The following CCDC190 variants were observed in gnomAD, a reference collection of about 807,000 sequenced individuals.
CCDC190 encodes the protein coiled-coil domain containing 190.
Under a neutral mutation model 13.1 loss-of-function variants are expected in CCDC190, and 10 were observed. The observed-to-expected ratio is 0.77, with a 90% confidence interval of 0.47 to 1.30. CCDC190 has a LOEUF of 1.30. Ranked by LOEUF, CCDC190 falls within the 50% of genes most tolerant of loss-of-function variation. The pLI, the probability that CCDC190 is intolerant of heterozygous loss-of-function variation, is 0.00. For missense variants in CCDC190, 375 were observed against 354.3 expected (o/e 1.06, Z -0.47); for synonymous variants, 136 against 127.2 (o/e 1.07, Z -0.47).
At chr1:162,867,763 G>C (rs1779997) in intron 1 of CCDC190, among the ~76,000 whole-genome samples, 1 of 152,034 alleles carries the variant, frequency 6.6e-6, no homozygotes, top group South Asian at 2.1e-4. Flanking sequence ...TAAAAATAAC[G>C]ATACATTAAT....
At chr1:162,858,572 C>T (rs1209008169) in intron 2 of CCDC190, among the ~76,000 whole-genome samples, 3 of 152,152 alleles carry the variant, frequency 2.0e-5, no homozygotes, top group Admixed American at 2.0e-4. Flanking sequence ...CTGTGTTGAC[C>T]TGAAATATTT....
upstream of CCDC190, among the ~76,000 whole-genome samples, chr1:162,861,464 C>T (rs1302186620): frequency 6.6e-6 from 1 of 151,794 alleles, no homozygotes; most frequent in African/African-American, 2.4e-5. Flanking sequence ...CTTTGTCATA[C>T]CTCCCTTCCC....
At chr1:162,865,032 A>G (rs996347965), upstream of CCDC190, among the ~76,000 whole-genome samples, 1 of 152,100 alleles carries the variant, frequency 6.6e-6, no homozygotes, top group African/African-American at 2.4e-5. Context: ...TAAAGTATGA[A>G]CAAATGAATA....
In CCDC190 at chr1:162,854,905, G is replaced by C. The variant is rs1558110252; in HGVS notation, c.766C>G (p.His256Asp). 5.6e-6 allele frequency: 9 copies of C among 1,614,014 alleles called. No individual in the cohort carries two copies. Among genetic ancestry groups the C allele is most frequent in the Non-Finnish European group, 5.1e-6 (6 of 1,179,892 alleles). Residue 256 changes from histidine (H) to aspartate (D), a missense_variant, in exon 4 of 4, where the codon CAT becomes GAT. Physicochemically the swap from His to Asp is moderately conservative, Grantham distance 81 (BLOSUM62 -1). Coordinates refer to ENST00000367912, the MANE Select transcript of CCDC190 (RefSeq NM_001394065.1). ...GGGGGGACCCTGTGCCGGAGATAAT[G>C]GGCATTTCTGGCCTTTGAAAGCAAC... ...LELLSKARNA[H>D]YLRHRVPPES...
At chr1:162,867,615 T>C (rs1650752234) in intron 1 of CCDC190, among the ~76,000 whole-genome samples, 1 of 152,176 alleles carries the variant, frequency 6.6e-6, no homozygotes, top group Non-Finnish European at 1.5e-5. Context: ...CATGTGCTCA[T>C]AAAAAGATTT....
intron 2 of CCDC190, among the ~76,000 whole-genome samples, chr1:162,857,363 C>T (rs965503473): frequency 9.9e-5 from 15 of 152,180 alleles, no homozygotes; most frequent in Admixed American, 6.5e-4. Context: ...TTTCACCAGT[C>T]TCAAACCCTA....
chr1:162,859,900 C>G (rs1650440690), intron 1 of CCDC190, among the ~76,000 whole-genome samples: 1 of 151,788 alleles, frequency 6.6e-6, no homozygotes, highest in African/African-American at 2.4e-5. Context: ...ATAGGCTCCC[C>G]CAACACAGAT....
upstream of CCDC190, among the ~76,000 whole-genome samples, chr1:162,861,208 C>T (rs1173388571): frequency 6.6e-6 from 1 of 150,382 alleles, no homozygotes; most frequent in Non-Finnish European, 1.5e-5. Flanking sequence ...TCCCTACCTC[C>T]CCTGGTCAGG....
upstream of CCDC190, among the ~76,000 whole-genome samples, chr1:162,862,510 GA>G (rs1650556436): frequency 6.6e-6 from 1 of 152,180 alleles, no homozygotes; most frequent in Non-Finnish European, 1.5e-5. Context: ...GCTTCATCTG[GA>G]GGGGAAATAG....
chr1:162,855,604 C>A lies in CCDC190; in HGVS notation c.311+28G>T, dbSNP rs776523013. On this transcript the variant is annotated intron_variant, in intron 3 of 3. Coordinates refer to ENST00000367912, the MANE Select transcript of CCDC190 (RefSeq NM_001394065.1). ...TTGGGAAGAGAGACTTAATGTCATA[C>A]CCATGGGTTTAGTAATCCATTTCTT... The A allele has an allele frequency of 5.0e-6, 8 of 1,610,372 alleles. No individual in the cohort carries two copies. The South Asian group carries it at 6.7e-5, about 13-fold the overall frequency.
Position 162,855,184 on chromosome 1 carries a change from T to G in CCDC190, c.487A>C (p.Asn163His). The G allele has an allele frequency of 1.9e-6, 3 of 1,613,964 alleles. No individual in the cohort carries two copies. Among genetic ancestry groups the G allele is most frequent in the Non-Finnish European group, 1.7e-6 (2 of 1,179,878 alleles). The change falls in exon 4 of 4, where the codon AAT (asparagine) becomes CAT (histidine). Residue 163 changes from asparagine to histidine, a missense_variant. By Grantham distance (68) the Asn-to-His change is moderately conservative. Transcript: ENST00000367912. ...CTGGGGTCTACGTCCTTAGATGGAT[T>G]CACAGAATCTTTCTCTTGGGCTTGT... ...QPQAQEKDSVNPSKDVDPSKG... is the reference protein window; with the variant it reads ...QPQAQEKDSVHPSKDVDPSKG...
At chr1:162,859,683 T>C (rs1000203446) in intron 1 of CCDC190, 25 bp from the exon 2 acceptor site, 1 of 1,568,696 alleles carries the variant, frequency 6.4e-7, no homozygotes, top group African/African-American at 1.4e-5. Context: ...GTATCACAAA[T>C]AACCTGATAA....
At chr1:162,857,103 A>G (rs1026536763) in intron 2 of CCDC190, among the ~76,000 whole-genome samples, 1 of 152,208 alleles carries the variant, frequency 6.6e-6, no homozygotes, top group African/African-American at 2.4e-5. Flanking sequence ...GCCAGGTAAT[A>G]TACTTTTGAT....
intron 1 of CCDC190, among the ~76,000 whole-genome samples, chr1:162,860,562 A>AT (rs554309165): frequency 0.17 from 24,188 of 144,848 alleles, 1,930 homozygotes; most frequent in Middle Eastern, 0.23. Flanking sequence ...AGGTTTGGTG[A>AT]TTTTTTTTTT....
In CCDC190 at chr1:162,854,908, C is replaced by T; in HGVS notation, c.763G>A (p.Ala255Thr). 1 of 1,614,014 alleles carries T rather than the reference C, an allele frequency of 6.2e-7. No individual in the cohort carries two copies. The highest frequency in any genetic ancestry group is 8.5e-7 in the Non-Finnish European group (1 of 1,179,890). Residue 255 changes from alanine to threonine, a missense_variant, in exon 4 of 4, where the codon GCC (alanine) becomes ACC (threonine). Coordinates refer to ENST00000367912, the MANE Select transcript of CCDC190 (RefSeq NM_001394065.1). ...FLELLSKARN[A>T]HYLRHRVPPE... Reference sequence around the variant, plus strand: ...GGGACCCTGTGCCGGAGATAATGGGCATTTCTGGCCTTTGAAAGCAACTCT... The same window carrying T: ...GGGACCCTGTGCCGGAGATAATGGGTATTTCTGGCCTTTGAAAGCAACTCT...
At chr1:162,857,284 A>G (rs989080882) in intron 2 of CCDC190, among the ~76,000 whole-genome samples, 2 of 152,188 alleles carry the variant, frequency 1.3e-5, no homozygotes, top group Non-Finnish European at 2.9e-5. Flanking sequence ...TACTCTGACT[A>G]TAGTCTGAGG....
In CCDC190 at chr1:162,854,236, A is replaced by G. The variant is rs1338038357; in HGVS notation, c.*529T>C. 2.0e-6 allele frequency: 2 copies of G among 985,438 alleles called. No individual in the cohort carries two copies. The highest frequency in any genetic ancestry group is 3.5e-5 in the African/African-American group (2 of 57,232). The allele number at this position is 985,438 out of a possible 1,614,324, so 61.0% of individuals were successfully genotyped here. On this transcript the variant is annotated 3_prime_UTR_variant, in exon 4 of 4. Coordinates refer to ENST00000367912, the MANE Select transcript of CCDC190 (RefSeq NM_001394065.1). ...GTTGAAAGTGGGAGGGTGAAAACTA[A>G]AATGGAGCTATCTGTAAATAAAGGA... is the stretch of plus-strand genomic sequence containing the variant.
upstream of CCDC190, among the ~76,000 whole-genome samples, chr1:162,862,199 C>T (rs939180724): frequency 2.6e-5 from 4 of 152,254 alleles, no homozygotes; most frequent in East Asian, 5.8e-4. Flanking sequence ...CCCATTCCAT[C>T]CCTTTGTTGC....
intron 2 of CCDC190, chr1:162,855,992 CAG>C (rs1442455300): frequency 3.1e-6 from 1 of 325,958 alleles, no homozygotes; most frequent in African/African-American, 2.1e-5. Flanking sequence ...CTAAGAGACA[CAG>C]GGAGAAGACA....
Sources: gnomAD v4.1 joint callset for allele counts (sites outside exome capture counted in the v4.1 genomes callset) on GRCh38, gnomAD v4.1.1 for gene constraint, MANE v1.5 for transcripts, NCBI Gene and HGNC (gene_info 2026-07-23, HGNC 2026-07-21) for gene names.